Variants in SLX4IP observed in about 807,000 individuals in gnomAD.
The protein encoded by SLX4IP is protein SLX4IP.
Under a neutral mutation model 32.9 loss-of-function variants are expected in SLX4IP, and 34 were observed. The ratio of observed to expected loss-of-function variants is 1.03; its 90% CI spans 0.79 to 1.38. SLX4IP has a LOEUF of 1.38. Among genes scored for constraint, SLX4IP ranks in the 40% most tolerant of loss-of-function variants. The pLI is 0.00. For missense variants in SLX4IP, 444 were observed against 479.0 expected (o/e 0.93, Z 0.68); for synonymous variants, 172 against 171.7 (o/e 1.00, Z -0.01).
At chr20:10,529,182 G>A (rs1022883108) in intron 2 of SLX4IP, among the ~76,000 whole-genome samples, 1 of 152,176 alleles carries the variant, frequency 6.6e-6, no homozygotes, top group Non-Finnish European at 1.5e-5. Flanking sequence ...GGAGGAGTAA[G>A]TAGATTGATT....
chr20:10,438,509 C>T (rs1282134812), intron 1 of SLX4IP, among the ~76,000 whole-genome samples: 4 of 145,936 alleles, frequency 2.7e-5, no homozygotes, highest in Admixed American at 1.4e-4. Flanking sequence ...ATGAAGTCTC[C>T]CTCTGTCACC....
chr20:10,599,519 A>G (rs1490689828), intron 5 of SLX4IP, among the ~76,000 whole-genome samples: 1 of 150,050 alleles, frequency 6.7e-6, no homozygotes, highest in Non-Finnish European at 1.5e-5. Context: ...GCAGCCTCCT[A>G]AGTAGCTGGG....
intron 4 of SLX4IP, among the ~76,000 whole-genome samples, chr20:10,585,686 A>C (rs1256632887): frequency 1.3e-5 from 2 of 151,970 alleles, no homozygotes; most frequent in Admixed American, 1.3e-4. Flanking sequence ...ACCTGGGTTC[A>C]AGCAATTCTC....
intron 2 of SLX4IP, among the ~76,000 whole-genome samples, chr20:10,464,316 C>A (rs986551940): frequency 8.6e-5 from 13 of 152,018 alleles, no homozygotes; most frequent in African/African-American, 3.1e-4. Context: ...ACCACTACAC[C>A]CAGCTTGAGA....
At chr20:10,507,793 C>T (rs1221123039) in intron 2 of SLX4IP, among the ~76,000 whole-genome samples, 1 of 151,704 alleles carries the variant, frequency 6.6e-6, no homozygotes, top group Non-Finnish European at 1.5e-5. Context: ...TTATGCCAAC[C>T]ACCCAGAATT....
chr20:10,587,260 C>T lies in SLX4IP; in HGVS notation c.239-11415C>T, dbSNP rs566282726. Among the ~76,000 whole-genome samples, 4 of 151,970 alleles carry T rather than the reference C, an allele frequency of 2.6e-5. No individual in the cohort carries two copies. In the East Asian group the frequency reaches 7.7e-4, roughly 29 times the overall value. ...TACAACATTAATAAATTAAAAAGAGCAATGCATGTAACAATTATACAAGGT... is the reference window on the plus strand; with the variant it reads ...TACAACATTAATAAATTAAAAAGAGTAATGCATGTAACAATTATACAAGGT... On this transcript the variant is annotated intron_variant, in intron 4 of 7. Coordinates refer to ENST00000334534, the MANE Select transcript of SLX4IP (RefSeq NM_001009608.3).
At chr20:10,576,865 T>C (rs539513511) in intron 4 of SLX4IP, among the ~76,000 whole-genome samples, 1 of 152,332 alleles carries the variant, frequency 6.6e-6, no homozygotes, top group South Asian at 2.1e-4. Flanking sequence ...GGAATTTTAC[T>C]TAATTGCAAC....
intron 5 of SLX4IP, among the ~76,000 whole-genome samples, chr20:10,600,053 G>GC (rs1304116310): frequency 6.7e-6 from 1 of 150,346 alleles, no homozygotes; most frequent in African/African-American, 2.4e-5. Context: ...GATTTTTTTA[G>GC]GGGGGGGAGG....
At chr20:10,485,618 CAA>C (rs35879869) in intron 2 of SLX4IP, among the ~76,000 whole-genome samples, 99 of 137,174 alleles carry the variant, frequency 7.2e-4, no homozygotes, top group South Asian at 9.3e-4. Flanking sequence ...GAGACTCTGT[CAA>C]AAAAAAAAAA....
At chr20:10,550,712 G>T (rs1201615368) in intron 2 of SLX4IP, among the ~76,000 whole-genome samples, 1 of 152,198 alleles carries the variant, frequency 6.6e-6, no homozygotes, top group Non-Finnish European at 1.5e-5. Flanking sequence ...AATGCCCTGT[G>T]TTTCTGCATT....
chr20:10,475,937 A>G (rs530264914), intron 2 of SLX4IP, among the ~76,000 whole-genome samples: 22 of 152,256 alleles, frequency 1.4e-4, no homozygotes, highest in African/African-American at 5.1e-4. Context: ...AGGCCTTTTT[A>G]CAGAACATAG....
chr20:10,538,426 A>G (rs191614842), intron 2 of SLX4IP, among the ~76,000 whole-genome samples: 216 of 152,316 alleles, frequency 1.4e-3, no homozygotes, highest in African/African-American at 5.0e-3. Flanking sequence ...TGACAGTCCT[A>G]AATGTTTCCA....
intron 1 of SLX4IP, among the ~76,000 whole-genome samples, chr20:10,443,334 A>G (rs6039937): frequency 3.0e-4 from 46 of 152,348 alleles, no homozygotes; most frequent in African/African-American, 1.1e-3. Flanking sequence ...TAAAGAGGAG[A>G]TGAATGGACC....
At chr20:10,618,313 C>T (rs2067063370) in intron 6 of SLX4IP, among the ~76,000 whole-genome samples, 1 of 152,162 alleles carries the variant, frequency 6.6e-6, no homozygotes, top group East Asian at 1.9e-4. Flanking sequence ...GGGCTTTGCC[C>T]TATTTCTGTT....
chr20:10,485,092 G>A (rs535304563), intron 2 of SLX4IP, among the ~76,000 whole-genome samples: 116 of 152,002 alleles, frequency 7.6e-4, no homozygotes, highest in Non-Finnish European at 1.6e-3. Flanking sequence ...CCCAACATAC[G>A]AGATTAGCCT....
intron 2 of SLX4IP, among the ~76,000 whole-genome samples, chr20:10,512,764 TAC>T (rs1366576732): frequency 0.013 from 1,518 of 115,158 alleles, 56 homozygotes; most frequent in East Asian, 0.11. Flanking sequence ...TGTATATATA[TAC>T]ACACACACAC....
intron 4 of SLX4IP, among the ~76,000 whole-genome samples, chr20:10,574,552 C>T (rs1325206000): frequency 6.6e-6 from 1 of 152,104 alleles, no homozygotes; most frequent in East Asian, 1.9e-4. Context: ...TTTGCATCTG[C>T]TTGGGCTTGT....
intron 2 of SLX4IP, among the ~76,000 whole-genome samples, chr20:10,540,096 T>TTCCTTCCTTCC (rs1380282080): frequency 9.8e-5 from 11 of 111,812 alleles, no homozygotes; most frequent in African/African-American, 3.5e-4. Flanking sequence ...CCTTCCTTCC[T>TTCCTTCCTTCC]TTCCTTCCTT....
chr20:10,517,195 G>A (rs1247156552), intron 2 of SLX4IP, among the ~76,000 whole-genome samples: 2 of 152,156 alleles, frequency 1.3e-5, no homozygotes, highest in Non-Finnish European at 2.9e-5. Flanking sequence ...TACCATACCA[G>A]AAAGACTGTC....
Sources: allele counts gnomAD v4.1 joint callset (sites outside exome capture counted in the v4.1 genomes callset), GRCh38; gene constraint gnomAD v4.1.1; transcripts MANE v1.5; gene names NCBI Gene and HGNC (gene_info 2026-07-23, HGNC 2026-07-21).